Variants in ANK2 observed in about 807,000 individuals in gnomAD.
The protein encoded by ANK2 is ankyrin-2.
A neutral mutation model predicts 360.5 loss-of-function variants in ANK2; 83 were observed. The ratio of observed to expected loss-of-function variants is 0.23; its 90% CI spans 0.19 to 0.28. ANK2 has a LOEUF of 0.28. Ranked by LOEUF, ANK2 falls within the 10% of genes least tolerant of loss-of-function variation. ANK2 has a pLI of 1.00. For synonymous variants in ANK2, 1,740 were observed against 1,759.5 expected (o/e 0.99, Z 0.28); for missense variants, 4,201 against 4,795.7 (o/e 0.88, Z 3.66).
intron 1 of ANK2, among the ~76,000 whole-genome samples, chr4:113,050,803 A>G (rs2066629632): frequency 6.6e-6 from 1 of 152,212 alleles, no homozygotes; most frequent in Non-Finnish European, 1.5e-5. Flanking sequence ...TGAACAAATG[A>G]ATATTTTTCA....
intron 2 of ANK2, among the ~76,000 whole-genome samples, chr4:113,001,527 A>T (rs978633729): frequency 6.8e-6 from 1 of 147,386 alleles, no homozygotes; most frequent in African/African-American, 2.5e-5. Flanking sequence ...CGACAAAAAA[A>T]TTCAAAGCAT....
intron 26 of ANK2, 42 bp from the exon 27 acceptor site, chr4:113,330,204 C>T (rs2153920694): frequency 2.6e-6 from 4 of 1,566,754 alleles, no homozygotes; most frequent in Non-Finnish European, 3.5e-6. Context: ...CATCTGCCCC[C>T]AATATTTCAA....
chr4:112,846,362 T>A (rs2063302790), intron 1 of ANK2, among the ~76,000 whole-genome samples: 1 of 152,148 alleles, frequency 6.6e-6, no homozygotes, highest in Non-Finnish European at 1.5e-5. Flanking sequence ...CTGCCCTGCT[T>A]AGCCTCCCAA....
rs557097365 is a variant in ANK2, at chr4:113,002,437, T to C, written c.21+97923T>C. ...GGGACATGGATGAAATTGGAAATCA[T>C]CATTCTCAGTAAACTATCGCAAGAA... On this transcript the variant is annotated intron_variant, in intron 2 of 30. Coordinates refer to the ANK2 transcript ENST00000503271. 2.6e-5 allele frequency among the ~76,000 whole-genome samples: 4 copies of C among 152,248 alleles called. 1 individual carries two copies. In the South Asian group the frequency reaches 8.3e-4, roughly 32 times the overall value.
At chr4:112,911,578 C>T (rs536385057) in intron 2 of ANK2, among the ~76,000 whole-genome samples, 9 of 152,196 alleles carry the variant, frequency 5.9e-5, no homozygotes, top group African/African-American at 1.9e-4. Context: ...CCACTTCAGC[C>T]TGTTGAATAG....
intron 18 of ANK2, among the ~76,000 whole-genome samples, chr4:113,287,355 A>G (rs1190751576): frequency 5.3e-5 from 8 of 152,214 alleles, no homozygotes; most frequent in Admixed American, 5.2e-4. Context: ...ACATCATAAT[A>G]TAAGAACCCA....
intron 17 of ANK2, 143 bp from the exon 18 acceptor site, chr4:113,282,532 G>C: frequency 3.7e-6 from 3 of 807,364 alleles, no homozygotes; most frequent in Non-Finnish European, 6.1e-6. Context: ...GAATGGAAAC[G>C]TGATGAGTAA....
At chr4:112,896,972 C>T (rs1464739286) in intron 1 of ANK2, among the ~76,000 whole-genome samples, 5 of 152,106 alleles carry the variant, frequency 3.3e-5, no homozygotes, top group African/African-American at 7.2e-5. Flanking sequence ...TGAAAGGGGA[C>T]GATAACTCCT....
intron 1 of ANK2, among the ~76,000 whole-genome samples, chr4:113,091,476 GT>G (rs2088097517): frequency 6.6e-6 from 1 of 152,150 alleles, no homozygotes; most frequent in African/African-American, 2.4e-5. Context: ...TTCCAGAGTA[GT>G]TATCATTGTC....
At chr4:113,159,925 A>G (rs1445124480) in intron 1 of ANK2, among the ~76,000 whole-genome samples, 2 of 152,036 alleles carry the variant, frequency 1.3e-5, no homozygotes, top group African/African-American at 4.8e-5. Context: ...CCTGGCCTAT[A>G]GTTTATTTCT....
chr4:112,932,786 A>G (rs1263373068), intron 2 of ANK2, among the ~76,000 whole-genome samples: 1 of 152,166 alleles, frequency 6.6e-6, no homozygotes, highest in Non-Finnish European at 1.5e-5. Context: ...AATTTCACTC[A>G]TGTAAATGAG....
intron 2 of ANK2, among the ~76,000 whole-genome samples, chr4:113,014,848 C>A (rs1033108386): frequency 1.4e-5 from 1 of 70,288 alleles, no homozygotes; most frequent in African/African-American, 5.8e-5. Context: ...GATCATAGAG[C>A]TTTTTTTTTT....
intron 26 of ANK2, among the ~76,000 whole-genome samples, chr4:113,324,036 G>A (rs1441403129): frequency 6.6e-6 from 1 of 152,122 alleles, no homozygotes; most frequent in Non-Finnish European, 1.5e-5. Context: ...GACTTACTGT[G>A]GACTGCCTGT....
In ANK2 at chr4:113,251,461, G is replaced by A. The variant is rs116939357; in HGVS notation, c.990+1599G>A. Among the ~76,000 whole-genome samples, 18 of 142,496 alleles carry A rather than the reference G, an allele frequency of 1.3e-4. No homozygotes were observed. In the East Asian group the frequency reaches 3.7e-3, roughly 29 times the overall value. The allele number at this position is 142,496 out of a possible 152,430, so 93.5% of individuals were successfully genotyped here. A position where few individuals can be genotyped will look rare whatever the true frequency, so the allele number is the denominator to read the frequency against. The stretch of plus-strand genomic sequence containing the variant: ...CTAGTCACTAAGGCACCATCAAGAT[G>A]AATAATACAAAATCTTTTTTTTTTT... On this transcript the variant is annotated intron_variant, in intron 10 of 45. Transcript: ENST00000357077.
At chr4:112,711,136 T>C in the ANK2 span, among the ~76,000 whole-genome samples, 1 of 150,722 alleles carries the variant, frequency 6.6e-6, no homozygotes. Flanking sequence ...TTTTTTTCTC[T>C]TAAGAGTTGG....
intron 2 of ANK2, among the ~76,000 whole-genome samples, chr4:112,964,239 C>T (rs899269880): frequency 5.3e-5 from 8 of 150,878 alleles, no homozygotes; most frequent in Admixed American, 4.0e-4. Flanking sequence ...CACAAACAAT[C>T]CAAATATACT....
At chr4:113,020,285 C>G (rs957737582) in intron 2 of ANK2, among the ~76,000 whole-genome samples, 7 of 152,170 alleles carry the variant, frequency 4.6e-5, no homozygotes, top group African/African-American at 1.4e-4. Flanking sequence ...CTCCTGGTCT[C>G]AAGCCATTTT....
chr4:113,156,391 A>T (rs868463314), intron 1 of ANK2, among the ~76,000 whole-genome samples: 1 of 35,374 alleles, frequency 2.8e-5, no homozygotes, highest in South Asian at 5.0e-4. Context: ...TGTTTTTGAG[A>T]CAGAGTTTCA....
Position 113,369,434 on chromosome 4 carries a change from T to C in ANK2, c.11319-80T>C, listed in dbSNP as rs752708617. 3.3e-4 allele frequency: 484 copies of C among 1,480,672 alleles called. 3 individuals are homozygous for C. Among genetic ancestry groups the C allele is most frequent in the Middle Eastern group, 3.5e-4 (2 of 5,728 alleles). The allele number at this position is 1,480,672 out of a possible 1,614,324, so 91.7% of individuals were successfully genotyped here. A position where few individuals can be genotyped will look rare whatever the true frequency, so the allele number is the denominator to read the frequency against. ...ATAGACTATGGAAAAACCAGCTCCA[T>C]CTTGCCTTTCGATTTCCTTGCTTGA... On this transcript the variant is annotated intron_variant, in intron 42 of 45. Transcript: ENST00000357077.
Sources: gnomAD v4.1 joint callset for allele counts (sites outside exome capture counted in the v4.1 genomes callset) on GRCh38, gnomAD v4.1.1 for gene constraint, MANE v1.5 for transcripts, NCBI Gene and HGNC (gene_info 2026-07-23, HGNC 2026-07-21) for gene names.